Variants in PRPS2 observed in about 807,000 individuals in gnomAD.
PRPS2 encodes the protein ribose-phosphate pyrophosphokinase 2.
For missense variants in PRPS2, 104 were observed against 271.5 expected (o/e 0.38, Z 4.34); for synonymous variants, 111 against 115.3 (o/e 0.96, Z 0.24).
At chrX:12,809,801 G>A in intron 3 of PRPS2, among the ~76,000 whole-genome samples, 1 of 112,030 alleles carries the variant, frequency 8.9e-6, no homozygotes, top group East Asian at 2.8e-4. Flanking sequence ...TAAGACAATG[G>A]AATATGTCCC....
At chrX:12,817,259 T>C (rs2042651771) in intron 4 of PRPS2, among the ~76,000 whole-genome samples, 1 of 110,896 alleles carries the variant, frequency 9.0e-6, no homozygotes, top group African/African-American at 3.3e-5. Context: ...AAAAGTTGCA[T>C]AGGGTTTTTT....
chrX:12,807,654 G>A (rs990142275), intron 2 of PRPS2, among the ~76,000 whole-genome samples: 6 of 111,048 alleles, frequency 5.4e-5, no homozygotes, highest in African/African-American at 1.3e-4. Context: ...GCGAAAATTC[G>A]ATTTTATCCC....
intron 1 of PRPS2, 82 bp downstream of exon 1, chrX:12,791,701 G>A (rs970262006): frequency 6.1e-5 from 51 of 831,612 alleles, no homozygotes; most frequent in Non-Finnish European, 6.7e-5. Flanking sequence ...GCGCCTGCCC[G>A]GGCCACCTCC....
intron 4 of PRPS2, chrX:12,810,371 G>C (rs1167912360): frequency 1.4e-5 from 5 of 349,043 alleles, no homozygotes; most frequent in Admixed American, 1.1e-4. Flanking sequence ...TACACAATAG[G>C]TATATATTGG....
intron 2 of PRPS2, among the ~76,000 whole-genome samples, chrX:12,801,828 C>T (rs995617209): frequency 4.5e-5 from 5 of 112,168 alleles, no homozygotes; most frequent in African/African-American, 1.3e-4. Context: ...AGGCTGGTCT[C>T]GAACTCCTGA....
chrX:12,806,637 G>A (rs934035055), intron 2 of PRPS2, among the ~76,000 whole-genome samples: 2 of 112,301 alleles, frequency 1.8e-5, no homozygotes, highest in African/African-American at 6.5e-5. Flanking sequence ...AAATCAGAAA[G>A]CGTGAATTTA....
chrX:12,791,799 G>T (rs2042520404), intron 1 of PRPS2, among the ~76,000 whole-genome samples, 180 bp downstream of exon 1: 1 of 110,210 alleles, frequency 9.1e-6, no homozygotes, highest in Non-Finnish European at 1.9e-5. Context: ...AAACCGAGGC[G>T]GGGCGCCGCG....
chrX:12,820,552 G>T, intron 5 of PRPS2, 92 bp from the exon 6 acceptor site: 1 of 953,262 alleles, frequency 1.0e-6, no homozygotes. Context: ...TTCTTTTACG[G>T]AGCACACTTT....
intron 1 of PRPS2, among the ~76,000 whole-genome samples, chrX:12,795,809 A>G: frequency 8.9e-6 from 1 of 111,817 alleles, no homozygotes; most frequent in Non-Finnish European, 1.9e-5. Context: ...CATTTAAACC[A>G]TAGCAATTTC....
chrX:12,805,822 C>T (rs2042590695), intron 2 of PRPS2, among the ~76,000 whole-genome samples: 1 of 112,041 alleles, frequency 8.9e-6, no homozygotes, highest in Non-Finnish European at 1.9e-5. Context: ...CATGTAATCC[C>T]AGCACTTTGG....
intron 6 of PRPS2, among the ~76,000 whole-genome samples, chrX:12,821,561 T>G (rs989313447): frequency 1.8e-5 from 2 of 112,156 alleles, no homozygotes; most frequent in African/African-American, 6.5e-5. Context: ...ACATTAGGAA[T>G]GTAATTAATG....
intron 2 of PRPS2, among the ~76,000 whole-genome samples, chrX:12,808,437 A>G (rs1319996011): frequency 9.0e-6 from 1 of 111,346 alleles, no homozygotes; most frequent in African/African-American, 3.3e-5. Context: ...ACCTAGGTCT[A>G]ATCATGTGTC....
chrX:12,815,370 G>T (rs1234464346), intron 4 of PRPS2, among the ~76,000 whole-genome samples: 1 of 110,617 alleles, frequency 9.0e-6, no homozygotes, highest in African/African-American at 3.3e-5. Flanking sequence ...GCAGAGAGAT[G>T]AAAACAGGTT....
rs752465132 is a variant in PRPS2 at position 12,810,184 on chromosome X, G to T, written c.530+38G>T. ...CTACACCTTGCAGATTTCTCCATCT[G>T]CTGATTGGTTTTTCCTTTTCCGATG... On this transcript the variant is annotated intron_variant, in intron 4 of 6. Transcript: ENST00000380668. 6.7e-6 allele frequency: 8 copies of T among 1,201,773 alleles called. No homozygotes were observed. The Admixed American group carries it at 6.8e-5, about 10-fold the overall frequency.
chrX:12,821,842 A>G (rs1422584953), intron 6 of PRPS2, among the ~76,000 whole-genome samples: 1 of 112,131 alleles, frequency 8.9e-6, no homozygotes, highest in Non-Finnish European at 1.9e-5. Context: ...ATAGATAGCA[A>G]TTGGCCTGAA....
chrX:12,804,233 C>T (rs1306824319), intron 2 of PRPS2, among the ~76,000 whole-genome samples: 6 of 109,463 alleles, frequency 5.5e-5, no homozygotes, highest in East Asian at 2.8e-4. Context: ...CCTCTGCCTC[C>T]GGGGTTCAAG....
At chrX:12,802,697 G>A (rs1167785223) in intron 2 of PRPS2, among the ~76,000 whole-genome samples, 1 of 112,649 alleles carries the variant, frequency 8.9e-6, no homozygotes, top group African/African-American at 3.2e-5. Context: ...CTTTCCTGAT[G>A]TTAGACAGAT....
At chrX:12,794,314 A>G (rs951721992) in intron 1 of PRPS2, among the ~76,000 whole-genome samples, 5 of 111,624 alleles carry the variant, frequency 4.5e-5, no homozygotes, top group African/African-American at 1.6e-4. Context: ...CTCTTCTTGT[A>G]GGCCTCTCCA....
At chrX:12,803,727 T>A (rs2042580591) in intron 2 of PRPS2, among the ~76,000 whole-genome samples, 1 of 112,571 alleles carries the variant, frequency 8.9e-6, no homozygotes, top group South Asian at 3.7e-4. Flanking sequence ...ATTTACAGGT[T>A]CCAAGGATTG....
Sources: allele counts gnomAD v4.1 joint callset (sites outside exome capture counted in the v4.1 genomes callset), GRCh38; gene constraint gnomAD v4.1.1; transcripts MANE v1.5; gene names NCBI Gene and HGNC (gene_info 2026-07-23, HGNC 2026-07-21).